Variants in CAMK2D observed in about 807,000 individuals in gnomAD.
CAMK2D encodes calcium/calmodulin dependent protein kinase II delta, also known as calcium/calmodulin-dependent protein kinase type II subunit delta.
In CAMK2D, 37 loss-of-function variants were observed where a neutral mutation model predicts 84.0. The ratio of observed to expected loss-of-function variants is 0.44; its 90% CI spans 0.34 to 0.58. The LOEUF (loss-of-function observed/expected upper bound fraction) is 0.58, where lower values mean the gene tolerates loss of function less well. CAMK2D is among the 20% of genes least tolerant of loss of function. The pLI, the probability that CAMK2D is intolerant of heterozygous loss-of-function variation, is 0.02. For synonymous variants in CAMK2D, 202 were observed against 212.5 expected (o/e 0.95, Z 0.43); for missense variants, 448 against 652.5 (o/e 0.69, Z 3.41).
At chr4:113,681,035 C>T (rs2031105798) in intron 2 of CAMK2D, among the ~76,000 whole-genome samples, 1 of 152,114 alleles carries the variant, frequency 6.6e-6, no homozygotes, top group South Asian at 2.1e-4. Flanking sequence ...TTATGAAGTG[C>T]TGGAAGACCC....
chr4:113,511,655 T>C (rs777030250), intron 12 of CAMK2D, among the ~76,000 whole-genome samples: 2 of 152,354 alleles, frequency 1.3e-5, no homozygotes, highest in Middle Eastern at 3.4e-3. Context: ...TTTAATGATA[T>C]GGCATTGAAC....
chr4:113,628,480 T>A (rs2099076640), intron 3 of CAMK2D, among the ~76,000 whole-genome samples: 1 of 152,184 alleles, frequency 6.6e-6, no homozygotes, highest in African/African-American at 2.4e-5. Context: ...TGACCTTTCT[T>A]CTGGATTCCT....
At chr4:113,577,083 TCCCC>T (rs2098786586) in intron 4 of CAMK2D, among the ~76,000 whole-genome samples, 1 of 152,024 alleles carries the variant, frequency 6.6e-6, no homozygotes, top group African/African-American at 2.4e-5. Context: ...CTCCTTCCCC[TCCCC>T]CCAGGAAGAG....
chr4:113,492,076 T>G (rs1184029551), intron 16 of CAMK2D, among the ~76,000 whole-genome samples: 6 of 152,166 alleles, frequency 3.9e-5, no homozygotes, highest in Non-Finnish European at 8.8e-5. Flanking sequence ...ATTTTGTTGA[T>G]CCTTTCAAAA....
rs142573376 is a variant in CAMK2D, at chr4:113,672,200, T to C, written c.161-10428A>G. 2.0e-5 allele frequency among the ~76,000 whole-genome samples: 3 copies of C among 152,300 alleles called. No homozygotes were observed. In the East Asian group the frequency reaches 5.8e-4, roughly 29 times the overall value. On this transcript the variant is annotated intron_variant, in intron 2 of 20. Transcript: ENST00000511664. ...GCTAAAACTAGTCATTAAAATCCCA[T>C]ACATATCTTATATTACATTAGTCAT...
At chr4:113,526,507 G>A (rs551314270) in intron 8 of CAMK2D, among the ~76,000 whole-genome samples, 2 of 151,582 alleles carry the variant, frequency 1.3e-5, no homozygotes, top group East Asian at 3.9e-4. Context: ...CTAACAAAAT[G>A]TTATATAGTT....
At chr4:113,667,434 A>C (rs1048004274) in intron 2 of CAMK2D, among the ~76,000 whole-genome samples, 1 of 152,242 alleles carries the variant, frequency 6.6e-6, no homozygotes, top group Non-Finnish European at 1.5e-5. Flanking sequence ...CTCTTAAAGA[A>C]AGATGCACTT....
rs927276304 is a variant in CAMK2D, at chr4:113,609,178, C to G, written c.249G>C (p.Glu83Asp). The G allele has an allele frequency of 2.5e-6, 4 of 1,587,520 alleles. No individual in the cohort carries two copies. Among genetic ancestry groups the G allele is most frequent in the African/African-American group, 1.3e-5 (1 of 74,394 alleles). ...IVRLHDSISE[E>D]GFHYLVFDLV... Reference sequence around the variant, plus strand: ...AATCAAACACCAAGTAGTGAAAGCCCTCTTCTGATATGCTATCATGAAGTC... The same window carrying G: ...AATCAAACACCAAGTAGTGAAAGCCGTCTTCTGATATGCTATCATGAAGTC... The change falls in exon 4 of 21, where the codon GAG (glutamate) becomes GAC (aspartate). Residue 83 changes from glutamate (E) to aspartate (D), a missense_variant. Physicochemically the swap from Glu to Asp is conservative, Grantham distance 45. Transcript: ENST00000511664.
intron 3 of CAMK2D, among the ~76,000 whole-genome samples, chr4:113,618,122 T>C (rs1052116043): frequency 2.0e-5 from 3 of 152,164 alleles, no homozygotes; most frequent in Non-Finnish European, 1.5e-5. Flanking sequence ...TAATAAATAG[T>C]ATAGGAAATA....
At chr4:113,554,653 G>A (rs2098652120) in intron 4 of CAMK2D, among the ~76,000 whole-genome samples, 1 of 152,070 alleles carries the variant, frequency 6.6e-6, no homozygotes, top group Admixed American at 6.6e-5. Context: ...AGAATTCAAT[G>A]TCTTGAAGAG....
At chr4:113,645,380 G>A (rs919087277) in intron 3 of CAMK2D, among the ~76,000 whole-genome samples, 2 of 152,154 alleles carry the variant, frequency 1.3e-5, no homozygotes. Context: ...ATAAGTAAAG[G>A]TTTATTGGAA....
chr4:113,509,573 T>A, intron 13 of CAMK2D, 65 bp downstream of exon 13: 1 of 1,020,096 alleles, frequency 9.8e-7, no homozygotes, highest in Non-Finnish European at 1.5e-6. Context: ...GAATTATATA[T>A]AACATTTAAA....
At chr4:113,454,683 C>T (rs1391893837) in intron 20 of CAMK2D, among the ~76,000 whole-genome samples, 168 bp from the exon 21 acceptor site, 1 of 152,054 alleles carries the variant, frequency 6.6e-6, no homozygotes, top group African/African-American at 2.4e-5. Context: ...CAAGAAGAAA[C>T]ATACAATGTT....
At chr4:113,561,783 T>C (rs1284631210) in intron 4 of CAMK2D, among the ~76,000 whole-genome samples, 2 of 152,248 alleles carry the variant, frequency 1.3e-5, no homozygotes, top group African/African-American at 4.8e-5. Context: ...CTTTTGATTT[T>C]GTCAGTAGCT....
At chr4:113,494,537 C>G (rs564026484) in intron 16 of CAMK2D, among the ~76,000 whole-genome samples, 1 of 152,342 alleles carries the variant, frequency 6.6e-6, no homozygotes, top group East Asian at 1.9e-4. Flanking sequence ...CCACTGCTCT[C>G]TTCAAAGCTG....
intron 2 of CAMK2D, among the ~76,000 whole-genome samples, chr4:113,692,110 T>C (rs2099388738): frequency 6.6e-6 from 1 of 152,292 alleles, no homozygotes; most frequent in African/African-American, 2.4e-5. Flanking sequence ...GAGAAGATTA[T>C]CTCTAGCACT....
intron 4 of CAMK2D, among the ~76,000 whole-genome samples, chr4:113,562,962 A>G (rs968619654): frequency 6.6e-6 from 1 of 151,860 alleles, no homozygotes; most frequent in Non-Finnish European, 1.5e-5. Context: ...GGACTTAAAA[A>G]TAAAATGCAT....
rs2098144966 is a variant in CAMK2D at position 113,507,525 on chromosome 4, T to A, written c.984+2113A>T. 2.0e-5 allele frequency among the ~76,000 whole-genome samples: 3 copies of A among 152,190 alleles called. No homozygotes were observed. The East Asian group carries it at 5.8e-4, about 29-fold the overall frequency. On this transcript the variant is annotated intron_variant, in intron 13 of 20. Coordinates refer to ENST00000511664, the MANE Select transcript of CAMK2D (RefSeq NM_001321571.2). Reference sequence around the variant, plus strand: ...CTCAGGTGATCCGTCTGTCTCAACCTCTCAAACTGCTGGGATTACAGGTGT... The same window carrying A: ...CTCAGGTGATCCGTCTGTCTCAACCACTCAAACTGCTGGGATTACAGGTGT...
At chr4:113,532,440 T>C (rs1447588357) in intron 7 of CAMK2D, among the ~76,000 whole-genome samples, 6 of 152,174 alleles carry the variant, frequency 3.9e-5, no homozygotes, top group South Asian at 4.1e-4. Context: ...AAATAAATAT[T>C]TGGTTGGTAG....
Sources: allele counts gnomAD v4.1 joint callset (sites outside exome capture counted in the v4.1 genomes callset), GRCh38; gene constraint gnomAD v4.1.1; transcripts MANE v1.5; gene names NCBI Gene and HGNC (gene_info 2026-07-23, HGNC 2026-07-21).